The following ZNF529 variants were observed in gnomAD, a reference collection of about 807,000 sequenced individuals.
The protein encoded by ZNF529 is zinc finger protein 529.
A neutral mutation model predicts 10.1 loss-of-function variants in ZNF529; 11 were observed. That is an observed-to-expected ratio of 1.09 (90% CI 0.69 to 1.81). The LOEUF (loss-of-function observed/expected upper bound fraction) is 1.81. Among genes scored for constraint, ZNF529 ranks in the 40% most tolerant of loss-of-function variants. The pLI is 0.00. For missense variants in ZNF529, 624 were observed against 666.8 expected, an observed-to-expected ratio of 0.94 and a Z score of 0.71; for synonymous variants, 204 against 215.7, an observed-to-expected ratio of 0.95 and a Z score of 0.47.
At chr19:36,597,121 C>T (rs2036853881) in intron 1 of ZNF529, among the ~76,000 whole-genome samples, 1 of 152,168 alleles carries the variant, frequency 6.6e-6, no homozygotes, top group African/African-American at 2.4e-5. Flanking sequence ...ATGCTCCCAT[C>T]TCACCCCTCA....
intron 1 of ZNF529, among the ~76,000 whole-genome samples, chr19:36,590,597 G>A (rs748412958): frequency 6.6e-6 from 1 of 152,026 alleles, no homozygotes; most frequent in Non-Finnish European, 1.5e-5. Flanking sequence ...TATATAATTA[G>A]CCAAACTAAA....
At chr19:36,576,515 A>G (rs974814866), upstream of ZNF529, among the ~76,000 whole-genome samples, 12 of 151,986 alleles carry the variant, frequency 7.9e-5, no homozygotes, top group African/African-American at 2.9e-4. Flanking sequence ...TCAGGAGTTC[A>G]AGACCAGCCT....
Position 36,547,181 on chromosome 19 carries a change from A to G in ZNF529, c.1377T>C (p.Phe459=), listed in dbSNP as rs754520818. 7 of 1,613,156 alleles carry G rather than the reference A, an allele frequency of 4.3e-6. No individual in the cohort carries two copies. In the African/African-American group the frequency reaches 8.0e-5, roughly 18 times the overall value. ...GTTGAATAAGGGCTGACGTAAGTCT[A>G]AAGAACTTTCCACACTCCTTACATT... ...PYECKECGKF[F]RLTSALIQHQ... The change falls in exon 5 of 5, where the codon TTT becomes TTC. Residue 459 remains phenylalanine (F), a synonymous_variant. Coordinates refer to ENST00000591340, the MANE Select transcript of ZNF529 (RefSeq NM_020951.5).
chr19:36,595,494 G>A lies in ZNF529; in HGVS notation c.-127-5793C>T, dbSNP rs10418915. Reference sequence around the variant, plus strand: ...GTGGGAGGACTGAGGCCAAGAGTTCGCGATCAGCCTAGACAACATAGCAAG... The same window carrying A: ...GTGGGAGGACTGAGGCCAAGAGTTCACGATCAGCCTAGACAACATAGCAAG... On this transcript the variant is annotated intron_variant, in intron 1 of 4. Transcript: ENST00000585960. 3.4e-3 allele frequency among the ~76,000 whole-genome samples: 518 copies of A among 152,202 alleles called. 2 individuals carry two copies. The highest frequency in any genetic ancestry group is 0.01 in the African/African-American group (428 of 41,524).
chr19:36,581,315 G>A (rs2036457933), intron 2 of ZNF529: 3 of 152,034 alleles, frequency 2.0e-5, no homozygotes. Flanking sequence ...AATAAATAAG[G>A]GGAAAATGTT....
chr19:36,544,702 G>A lies in ZNF529; in HGVS notation c.*2164C>T, dbSNP rs1481900526. ...AACATACTCTTGTTCTTACTGTGTA[G>A]GACATGAAACAACAACCAATTACAT... On this transcript the variant is annotated 3_prime_UTR_variant, in exon 5 of 5. Transcript: ENST00000591340. 6.6e-6 allele frequency: 1 copy of A among 152,154 alleles called. No homozygotes were observed. Among genetic ancestry groups the A allele is most frequent in the Non-Finnish European group, 1.5e-5 (1 of 68,022 alleles). 9.4% of individuals were successfully genotyped at this position (152,154 alleles called of 1,614,324 possible).
intron 2 of ZNF529, chr19:36,580,267 T>A (rs1350612508): frequency 6.6e-6 from 1 of 152,186 alleles, no homozygotes; most frequent in East Asian, 1.9e-4. Flanking sequence ...AGTTACTTTT[T>A]TTTTTTAATA....
At chr19:36,563,441 T>C (rs1304214289) in intron 2 of ZNF529, among the ~76,000 whole-genome samples, 8 of 149,566 alleles carry the variant, frequency 5.3e-5, no homozygotes, top group Non-Finnish European at 8.9e-5. Flanking sequence ...AAAAAAGTTG[T>C]CTATGGGTGA....
At chr19:36,557,456 T>C (rs889733683) in intron 2 of ZNF529, among the ~76,000 whole-genome samples, 1 of 152,150 alleles carries the variant, frequency 6.6e-6, no homozygotes, top group African/African-American at 2.4e-5. Flanking sequence ...CACAGGGTGG[T>C]AGGAGACAGA....
chr19:36,556,378 A>C (rs1396670537), intron 2 of ZNF529, among the ~76,000 whole-genome samples, 181 bp from the exon 3 acceptor site: 2 of 152,160 alleles, frequency 1.3e-5, no homozygotes, highest in Non-Finnish European at 2.9e-5. Context: ...TATCTTGGTG[A>C]GAAAGACTCC....
At chr19:36,597,907 G>A (rs937305051) in intron 1 of ZNF529, among the ~76,000 whole-genome samples, 4 of 152,168 alleles carry the variant, frequency 2.6e-5, no homozygotes, top group African/African-American at 9.7e-5. Context: ...GGGACCCCAG[G>A]AGACTGGATA....
rs765229289 is a variant in ZNF529, at chr19:36,547,428, A to G, written c.1130T>C (p.Val377Ala). The change falls in exon 5 of 5, where the codon GTA becomes GCA. Residue 377 changes from valine to alanine, a missense_variant. By Grantham distance (64) the Val-to-Ala change is moderately conservative (BLOSUM62 0). Transcript: ENST00000591340. ...CTGATGACGAGCAAGTTCTCTACAT[A>G]CTCCAAAAGCCTTCCCACATTCCTT... ...ACKECGKAFG[V>A]CRELARHQRI... is the part of the protein sequence containing the mutation. 6 of 1,607,132 alleles carry G rather than the reference A, an allele frequency of 3.7e-6. No homozygotes were observed. Among genetic ancestry groups the G allele is most frequent in the Non-Finnish European group, 5.1e-6 (6 of 1,177,686 alleles).
chr19:36,598,383 A>C (rs748865366), intron 1 of ZNF529, among the ~76,000 whole-genome samples: 3 of 151,982 alleles, frequency 2.0e-5, no homozygotes, highest in Non-Finnish European at 2.9e-5. Context: ...AGTGACATGC[A>C]CACCTGTAGT....
intron 2 of ZNF529, among the ~76,000 whole-genome samples, chr19:36,578,671 C>T (rs1332372883): frequency 2.0e-5 from 3 of 149,228 alleles, no homozygotes; most frequent in Non-Finnish European, 4.5e-5. Flanking sequence ...TACAGTGGTG[C>T]GATCTTGGCT....
chr19:36,560,670 A>G (rs1027976241), intron 2 of ZNF529, among the ~76,000 whole-genome samples: 13 of 152,244 alleles, frequency 8.5e-5, no homozygotes, highest in Non-Finnish European at 1.5e-4. Context: ...ATATAATGTG[A>G]AGACCAATAT....
chr19:36,582,702 C>A (rs1319429815), intron 2 of ZNF529: 2 of 110,016 alleles, frequency 1.8e-5, no homozygotes, highest in African/African-American at 3.4e-5. Context: ...AGCGAGACTC[C>A]ATCTTAAAAA....
intron 2 of ZNF529, among the ~76,000 whole-genome samples, chr19:36,588,921 A>G (rs959771298): frequency 1.3e-5 from 2 of 148,792 alleles, no homozygotes; most frequent in Admixed American, 6.8e-5. Context: ...GAACCCAAAG[A>G]GGGGGTTGTG....
chr19:36,573,843 G>T (rs2036241291), upstream of ZNF529, among the ~76,000 whole-genome samples: 1 of 152,172 alleles, frequency 6.6e-6, no homozygotes, highest in African/African-American at 2.4e-5. Context: ...AGCCTGAGTC[G>T]GGCGAGGTTT....
upstream of ZNF529, chr19:36,573,447 A>C (rs1228866482): frequency 6.4e-6 from 3 of 470,950 alleles, no homozygotes; most frequent in South Asian, 3.1e-5. Flanking sequence ...CCGGGTGCGC[A>C]GACCCTTGCC....
Sources: gnomAD v4.1 joint callset for allele counts (sites outside exome capture counted in the v4.1 genomes callset) on GRCh38, gnomAD v4.1.1 for gene constraint, MANE v1.5 for transcripts, NCBI Gene and HGNC (gene_info 2026-07-23, HGNC 2026-07-21) for gene names.